Variants in PDE4D observed in about 807,000 individuals in gnomAD.
The protein encoded by PDE4D is 3',5'-cyclic-AMP phosphodiesterase 4D.
In PDE4D, 24 loss-of-function variants were observed where a neutral mutation model predicts 87.4. That is an observed-to-expected ratio of 0.27 (90% CI 0.20 to 0.39). PDE4D has a LOEUF of 0.39. Ranked by LOEUF, PDE4D falls within the 10% of genes least tolerant of loss-of-function variation. The pLI, the probability that PDE4D is intolerant of heterozygous loss-of-function variation, is 1.00. For synonymous variants in PDE4D, 384 were observed against 383.2 expected (o/e 1.00, Z -0.02); for missense variants, 714 against 1,041.0 (o/e 0.69, Z 4.32).
At position 60,479,904 on chromosome 5, in the gene PDE4D, T is replaced by A. The variant is rs565420867; in HGVS notation, c.-90+8038A>T. ...GAGTGACACCTATTCTCTCATTTTA[T>A]ACATAGGTTTTAGAAACTAGGCTAT... On this transcript the variant is annotated intron_variant, in intron 1 of 16. Transcript: ENST00000502484. Among the ~76,000 whole-genome samples, 31 of 152,340 alleles carry A rather than the reference T, an allele frequency of 2.0e-4. No homozygotes were observed. The East Asian group carries it at 5.2e-3, about 26-fold the overall frequency.
chr5:59,565,010 G>A lies in PDE4D; in HGVS notation c.455+328158C>T, dbSNP rs1352980922. Among the ~76,000 whole-genome samples the A allele has an allele frequency of 2.0e-5, 3 of 152,184 alleles. No individual in the cohort carries two copies. The East Asian group carries it at 5.8e-4, about 29-fold the overall frequency. On this transcript the variant is annotated intron_variant, in intron 1 of 14. Coordinates refer to ENST00000340635, the MANE Select transcript of PDE4D (RefSeq NM_001104631.2). ...AGGAACACCATGGACAAAGGTTGATGAATGAAGCAGAATGATATCTTTAAG... is the reference window on the plus strand; with the variant it reads ...AGGAACACCATGGACAAAGGTTGATAAATGAAGCAGAATGATATCTTTAAG...
chr5:59,902,312 G>A (rs1387830794), intron 3 of PDE4D, among the ~76,000 whole-genome samples: 1 of 152,090 alleles, frequency 6.6e-6, no homozygotes, highest in African/African-American at 2.4e-5. Context: ...AGCAATTCTT[G>A]TTAAAATACT....
chr5:59,082,477 A>G (rs1438201458), intron 5 of PDE4D, among the ~76,000 whole-genome samples: 2 of 152,110 alleles, frequency 1.3e-5, no homozygotes, highest in Non-Finnish European at 2.9e-5. Flanking sequence ...AAAAAGGTAG[A>G]CCATTATGAT....
intron 1 of PDE4D, among the ~76,000 whole-genome samples, chr5:60,222,137 T>C (rs577246177): frequency 6.6e-6 from 1 of 152,232 alleles, no homozygotes; most frequent in African/African-American, 2.4e-5. Flanking sequence ...AGTGAGGTCA[T>C]AAAAGCTTCC....
chr5:60,131,188 A>G (rs565134391), intron 2 of PDE4D, among the ~76,000 whole-genome samples: 4 of 152,308 alleles, frequency 2.6e-5, no homozygotes, highest in Admixed American at 2.6e-4. Context: ...TTCATTAAAT[A>G]AACTTTGTTT....
intron 5 of PDE4D, among the ~76,000 whole-genome samples, chr5:59,154,166 T>C (rs1779842539): frequency 1.3e-5 from 2 of 152,094 alleles, no homozygotes; most frequent in African/African-American, 2.4e-5. Context: ...AGAGTGACAT[T>C]TGCAGATTAA....
At chr5:59,811,293 T>G (rs1237757899) in intron 1 of PDE4D, among the ~76,000 whole-genome samples, 1 of 152,188 alleles carries the variant, frequency 6.6e-6, no homozygotes, top group Non-Finnish European at 1.5e-5. Flanking sequence ...CTTTTCAACT[T>G]TCCACTCTAC....
At chr5:59,349,396 A>G (rs1267212903) in intron 1 of PDE4D, among the ~76,000 whole-genome samples, 1 of 152,120 alleles carries the variant, frequency 6.6e-6, no homozygotes, top group Non-Finnish European at 1.5e-5. Flanking sequence ...TAAAGTGTAT[A>G]GAATTGAATG....
chr5:59,532,595 GAAATGTA>G (rs925209691), intron 1 of PDE4D, among the ~76,000 whole-genome samples: 62 of 152,158 alleles, frequency 4.1e-4, no homozygotes, highest in Admixed American at 2.9e-3. Context: ...CTTAGCTAAA[GAAATGTA>G]AATTATTGAT....
At chr5:59,838,862 C>T (rs567025227) in intron 1 of PDE4D, among the ~76,000 whole-genome samples, 21 of 151,998 alleles carry the variant, frequency 1.4e-4, no homozygotes, top group Non-Finnish European at 2.4e-4. Context: ...AAACAGATGT[C>T]TATTCTTTTT....
intron 1 of PDE4D, among the ~76,000 whole-genome samples, chr5:60,423,619 A>G (rs553237439): frequency 4.6e-5 from 7 of 152,304 alleles, no homozygotes; most frequent in Middle Eastern, 3.4e-3. Context: ...ACACCTTAAC[A>G]TCACAATTAA....
At chr5:59,342,120 C>T (rs145627619) in intron 1 of PDE4D, among the ~76,000 whole-genome samples, 2 of 152,266 alleles carry the variant, frequency 1.3e-5, no homozygotes, top group Non-Finnish European at 2.9e-5. Flanking sequence ...TATTCTAACA[C>T]TCTCTTTTTA....
intron 1 of PDE4D, among the ~76,000 whole-genome samples, chr5:59,834,759 T>C (rs967826848): frequency 3.2e-4 from 49 of 152,206 alleles, no homozygotes; most frequent in African/African-American, 1.2e-3. Context: ...TAGTCACTAA[T>C]AGCTTGTAAT....
chr5:60,242,299 A>G (rs1166458431), intron 1 of PDE4D, among the ~76,000 whole-genome samples: 2 of 152,110 alleles, frequency 1.3e-5, no homozygotes, highest in African/African-American at 2.4e-5. Context: ...AATAGGTGTA[A>G]CCAATATTGG....
intron 1 of PDE4D, among the ~76,000 whole-genome samples, chr5:59,563,248 G>C (rs159196): frequency 0.83 from 126,615 of 152,250 alleles, 52,683 homozygotes; most frequent in South Asian, 0.92. Context: ...AGCTGTGACC[G>C]CAGAGGAATT....
intron 2 of PDE4D, among the ~76,000 whole-genome samples, chr5:60,115,123 C>T (rs1778047324): frequency 6.6e-6 from 1 of 152,082 alleles, no homozygotes; most frequent in African/African-American, 2.4e-5. Context: ...TTTGAAAAAA[C>T]TTCCCCAGTG....
chr5:59,579,774 C>T (rs866641933), intron 1 of PDE4D, among the ~76,000 whole-genome samples: 33 of 152,154 alleles, frequency 2.2e-4, no homozygotes, highest in African/African-American at 6.3e-4. Context: ...GTCCATTCAC[C>T]AAGTACTGTA....
intron 3 of PDE4D, among the ~76,000 whole-genome samples, chr5:59,972,972 A>G (rs934721341): frequency 2.0e-5 from 3 of 152,160 alleles, no homozygotes; most frequent in Non-Finnish European, 2.9e-5. Flanking sequence ...GGAGTCGGTC[A>G]CCAACAGAGG....
At chr5:59,668,078 A>G (rs1746372215) in intron 1 of PDE4D, among the ~76,000 whole-genome samples, 1 of 152,236 alleles carries the variant, frequency 6.6e-6, no homozygotes, top group Non-Finnish European at 1.5e-5. Context: ...TATAATGACT[A>G]TAGCAGTTCA....
Sources: allele counts gnomAD v4.1 joint callset (sites outside exome capture counted in the v4.1 genomes callset), GRCh38; gene constraint gnomAD v4.1.1; transcripts MANE v1.5; gene names NCBI Gene and HGNC (gene_info 2026-07-23, HGNC 2026-07-21).